The following GPC6 variants were observed in gnomAD, a reference collection of about 807,000 sequenced individuals.
GPC6 encodes glypican-6.
In GPC6, 14 loss-of-function variants were observed where a neutral mutation model predicts 55.2. That is an observed-to-expected ratio of 0.25 (90% CI 0.17 to 0.40). The LOEUF is 0.40. GPC6 is among the 10% of genes least tolerant of loss of function. The probability of loss-of-function intolerance (pLI) is 1.00; values close to 1 mark genes in which losing one functional copy is unlikely to be tolerated. For missense variants in GPC6, 641 were observed against 708.5 expected (o/e 0.90, Z 1.08); for synonymous variants, 278 against 259.6 (o/e 1.07, Z -0.68).
chr13:93,915,242 C>T (rs1340973276), intron 3 of GPC6, among the ~76,000 whole-genome samples: 1 of 152,096 alleles, frequency 6.6e-6, no homozygotes, highest in Non-Finnish European at 1.5e-5. Flanking sequence ...TTAATTAATT[C>T]TTGTGATAAC....
At chr13:94,302,571 T>C (rs1486829313) in intron 5 of GPC6, among the ~76,000 whole-genome samples, 1 of 152,250 alleles carries the variant, frequency 6.6e-6, no homozygotes, top group African/African-American at 2.4e-5. Flanking sequence ...TATGTTAAGG[T>C]ATATTCTCAG....
At chr13:93,366,931 A>C (rs771428175) in intron 1 of GPC6, among the ~76,000 whole-genome samples, 37 of 152,064 alleles carry the variant, frequency 2.4e-4, no homozygotes, top group Non-Finnish European at 1.2e-4. Context: ...TCCAATTATT[A>C]ATTACTTCAA....
intron 4 of GPC6, among the ~76,000 whole-genome samples, chr13:94,126,254 T>C (rs1242114225): frequency 2.0e-5 from 3 of 152,038 alleles, no homozygotes; most frequent in African/African-American, 7.2e-5. Context: ...GCAGTGGCAC[T>C]TGCCTGTATT....
chr13:93,240,735 G>A (rs890379643), intron 1 of GPC6, among the ~76,000 whole-genome samples: 2 of 152,032 alleles, frequency 1.3e-5, no homozygotes, highest in African/African-American at 4.8e-5. Flanking sequence ...TTTATAAGCA[G>A]TGAGTTTTAT....
chr13:93,869,402 C>G (rs1032416904), intron 3 of GPC6, among the ~76,000 whole-genome samples: 1 of 151,780 alleles, frequency 6.6e-6, no homozygotes, highest in African/African-American at 2.4e-5. Flanking sequence ...CATCTGCCAC[C>G]CCATGAGGCT....
intron 1 of GPC6, among the ~76,000 whole-genome samples, chr13:93,443,747 C>T (rs1219612149): frequency 1.3e-5 from 2 of 152,104 alleles, no homozygotes; most frequent in African/African-American, 2.4e-5. Flanking sequence ...AAGAGAGAAG[C>T]AGGTTAGAAA....
At chr13:94,371,254 C>G (rs67724433) in intron 6 of GPC6, among the ~76,000 whole-genome samples, 1 of 151,944 alleles carries the variant, frequency 6.6e-6, no homozygotes, top group African/African-American at 2.4e-5. Context: ...AGCTTAATTC[C>G]TCTTGTATTT....
intron 4 of GPC6, among the ~76,000 whole-genome samples, chr13:94,121,529 A>G (rs1886629407): frequency 6.6e-6 from 1 of 152,166 alleles, no homozygotes; most frequent in Non-Finnish European, 1.5e-5. Context: ...ATAACTGGTA[A>G]AAATAATTTA....
intron 3 of GPC6, among the ~76,000 whole-genome samples, chr13:93,930,099 A>G (rs535505607): frequency 6.6e-6 from 1 of 152,170 alleles, no homozygotes; most frequent in African/African-American, 2.4e-5. Flanking sequence ...GCTTTGGCCC[A>G]GAGATTCTAT....
chr13:93,762,840 C>T (rs929504800), intron 2 of GPC6, among the ~76,000 whole-genome samples: 1 of 152,110 alleles, frequency 6.6e-6, no homozygotes, highest in East Asian at 1.9e-4. Flanking sequence ...ATAACTGTCA[C>T]CCACCATTTA....
chr13:93,912,755 A>G (rs974935228), intron 3 of GPC6, among the ~76,000 whole-genome samples: 7 of 152,140 alleles, frequency 4.6e-5, no homozygotes, highest in African/African-American at 1.7e-4. Context: ...AAAAAACAAA[A>G]CAAAACAAAA....
intron 1 of GPC6, among the ~76,000 whole-genome samples, chr13:93,543,481 T>A (rs1594251652): frequency 6.6e-6 from 1 of 152,154 alleles, no homozygotes; most frequent in East Asian, 1.9e-4. Context: ...TGGTCTAAAA[T>A]TCTCTTTTTT....
intron 4 of GPC6, among the ~76,000 whole-genome samples, chr13:94,189,397 G>T (rs1006231471): frequency 1.6e-4 from 24 of 152,168 alleles, no homozygotes; most frequent in Non-Finnish European, 1.6e-4. Context: ...AGCCTGGAAA[G>T]AGAACAGGAG....
chr13:94,335,075 G>A lies in GPC6; in HGVS notation c.1152+28952G>A, dbSNP rs547726805. Among the ~76,000 whole-genome samples the A allele has an allele frequency of 3.3e-5, 5 of 152,120 alleles. No individual in the cohort carries two copies. The East Asian group carries it at 5.8e-4, about 18-fold the overall frequency. ...GACTCTCAGTCCAGGAGTGTGCTGC[G>A]GCCCAAAGGGTTACTACTAAGCATA... is the stretch of plus-strand genomic sequence containing the variant. On this transcript the variant is annotated intron_variant, in intron 6 of 8. Transcript: ENST00000377047.
At chr13:93,718,450 T>A (rs1883330705) in intron 2 of GPC6, among the ~76,000 whole-genome samples, 1 of 151,818 alleles carries the variant, frequency 6.6e-6, no homozygotes, top group Non-Finnish European at 1.5e-5. Flanking sequence ...TTTGATGGGG[T>A]TAATTATTTT....
At chr13:93,609,333 G>A (rs1878367994) in intron 2 of GPC6, among the ~76,000 whole-genome samples, 1 of 152,146 alleles carries the variant, frequency 6.6e-6, no homozygotes, top group African/African-American at 2.4e-5. Flanking sequence ...TCCTGCCTCA[G>A]CCTCCCAAGT....
At chr13:93,879,802 C>T (rs1284509538) in intron 3 of GPC6, among the ~76,000 whole-genome samples, 8 of 152,140 alleles carry the variant, frequency 5.3e-5, no homozygotes, top group Admixed American at 2.0e-4. Context: ...AGAAAATTTT[C>T]GCATCCTACT....
intron 1 of GPC6, among the ~76,000 whole-genome samples, chr13:93,314,712 GGTGTGTGTGT>G (rs370613459): frequency 2.6e-3 from 388 of 147,664 alleles, no homozygotes; most frequent in African/African-American, 7.0e-3. Context: ...AACAAGGAGG[GGTGTGTGTGT>G]GTGTGTGTGT....
intron 6 of GPC6, among the ~76,000 whole-genome samples, chr13:94,355,338 C>T (rs1182367821): frequency 6.6e-6 from 1 of 152,032 alleles, no homozygotes; most frequent in Non-Finnish European, 1.5e-5. Context: ...TCTTCTCTTT[C>T]TTCGGCCATC....
Sources: gnomAD v4.1 joint callset for allele counts (sites outside exome capture counted in the v4.1 genomes callset) on GRCh38, gnomAD v4.1.1 for gene constraint, MANE v1.5 for transcripts, NCBI Gene and HGNC (gene_info 2026-07-23, HGNC 2026-07-21) for gene names.